Variants in MFHAS1 observed in about 807,000 individuals in gnomAD.
The protein encoded by MFHAS1 is multifunctional ROCO family signaling regulator 1.
In MFHAS1, 50 loss-of-function variants were observed where a neutral mutation model predicts 70.4. The observed-to-expected ratio is 0.71, with a 90% CI of 0.57 to 0.90. The LOEUF is 0.90. MFHAS1 is among the 40% of genes least tolerant of loss of function. The pLI is 0.00. For missense variants in MFHAS1, 1,795 were observed against 1,347.6 expected (o/e 1.33, Z -5.20); for synonymous variants, 952 against 620.0 (o/e 1.54, Z -7.96).
intron 1 of MFHAS1, among the ~76,000 whole-genome samples, chr8:8,815,036 G>A (rs944242989): frequency 6.6e-6 from 1 of 151,878 alleles, no homozygotes; most frequent in Non-Finnish European, 1.5e-5. Context: ...CCCCACACAG[G>A]CCCCAGTGTG....
In MFHAS1 at chr8:8,890,384, A is replaced by G. The variant is rs429433; in HGVS notation, c.2675T>C (p.Leu892Pro). 0.96 allele frequency: 1,546,685 copies of G among 1,614,130 alleles called. 741,232 individuals are homozygous for G. The highest frequency in any genetic ancestry group is 1 in the East Asian group (44,876 of 44,878). ...IEYSFPFTFP[L>P]GLFARYSVQI... ...GACACTGTAGCGTGCAAACAACCCA[A>G]GTGGAAAAGTAAAAGGAAAGCTATA... Residue 892 changes from leucine to proline, a missense_variant, in exon 1 of 3, where the codon CTT (leucine) becomes CCT (proline). By Grantham distance (98) the Leu-to-Pro change is moderately conservative. Coordinates refer to ENST00000276282, the MANE Select transcript of MFHAS1 (RefSeq NM_004225.3).
intron 1 of MFHAS1, among the ~76,000 whole-genome samples, chr8:8,854,361 A>T (rs906896298): frequency 2.6e-5 from 4 of 152,204 alleles, no homozygotes; most frequent in Non-Finnish European, 5.9e-5. Flanking sequence ...CTCTACTAAA[A>T]ATACAAAAAA....
intron 1 of MFHAS1, among the ~76,000 whole-genome samples, chr8:8,879,006 T>C (rs1415509788): frequency 1.3e-5 from 2 of 152,160 alleles, no homozygotes; most frequent in African/African-American, 2.4e-5. Context: ...AAATGACTGA[T>C]GATTTGAATC....
chr8:8,845,987 T>C (rs1415796772), intron 1 of MFHAS1, among the ~76,000 whole-genome samples: 1 of 152,090 alleles, frequency 6.6e-6, no homozygotes, highest in Non-Finnish European at 1.5e-5. Context: ...GCACAGTGGC[T>C]AACACCTGTA....
Position 8,891,636 on chromosome 8 carries a change from C to G in MFHAS1, c.1423G>C (p.Val475Leu). 6.2e-7 allele frequency: 1 copy of G among 1,613,630 alleles called. No individual in the cohort carries two copies. The highest frequency in any genetic ancestry group is 8.5e-7 in the Non-Finnish European group (1 of 1,180,032). Residue 475 changes from valine to leucine, a missense_variant, in exon 1 of 3, where the codon GTG becomes CTG. By Grantham distance (32) the Val-to-Leu change is conservative (BLOSUM62 1). Coordinates refer to ENST00000276282, the MANE Select transcript of MFHAS1 (RefSeq NM_004225.3). The surrounding 1 kb of genome is among the most constrained non-coding windows in gnomAD (Gnocchi z 5.4). ...CTTTCATCCCCAGCTAAGTCATACA[C>G]GATGAACCGCAGGCCCCGGGAGGCA... ...ADASRGLRFI[V>L]YDLAGDESYE...
At chr8:8,853,466 T>TAAAA (rs58475480) in intron 1 of MFHAS1, among the ~76,000 whole-genome samples, 5 of 120,182 alleles carry the variant, frequency 4.2e-5, no homozygotes, top group Non-Finnish European at 6.8e-5. Context: ...TGCTCATTCT[T>TAAAA]AAAAAAAAAA....
chr8:8,853,766 A>G (rs935645366), intron 1 of MFHAS1, among the ~76,000 whole-genome samples: 1 of 152,108 alleles, frequency 6.6e-6, no homozygotes, highest in African/African-American at 2.4e-5. Context: ...GGGTTTCACT[A>G]TGTTGGGCAG....
chr8:8,870,029 C>T (rs1311854550), intron 1 of MFHAS1, among the ~76,000 whole-genome samples: 2 of 152,104 alleles, frequency 1.3e-5, no homozygotes, highest in Non-Finnish European at 2.9e-5. Flanking sequence ...TTTGACATTT[C>T]CCCATTTGAC....
At chr8:8,829,285 G>A (rs1807279721) in intron 1 of MFHAS1, among the ~76,000 whole-genome samples, 1 of 152,176 alleles carries the variant, frequency 6.6e-6, no homozygotes, top group African/African-American at 2.4e-5. Flanking sequence ...GTCCTCTCCA[G>A]CACCCTTCTC....
intron 1 of MFHAS1, among the ~76,000 whole-genome samples, chr8:8,886,404 G>A (rs1383115086): frequency 6.6e-6 from 1 of 151,956 alleles, no homozygotes; most frequent in East Asian, 1.9e-4. Flanking sequence ...CTTGACCCAA[G>A]TGATCCTCCT....
chr8:8,836,194 G>A (rs17154822), intron 1 of MFHAS1, among the ~76,000 whole-genome samples: 3,088 of 152,296 alleles, frequency 0.02, 100 homozygotes, highest in African/African-American at 0.07. Context: ...GGCTGTGTAT[G>A]TGAGAAAAGC....
chr8:8,842,685 C>G (rs1412359366), intron 1 of MFHAS1, among the ~76,000 whole-genome samples: 3 of 152,178 alleles, frequency 2.0e-5, no homozygotes, highest in Admixed American at 1.3e-4. Flanking sequence ...GCCCCAATCT[C>G]TGGACTCAGC....
intron 1 of MFHAS1, among the ~76,000 whole-genome samples, chr8:8,885,949 A>G (rs1221920998): frequency 6.6e-6 from 1 of 152,152 alleles, no homozygotes; most frequent in South Asian, 2.1e-4. Flanking sequence ...GGATGGAGAA[A>G]GCAGGTCAAG....
intron 1 of MFHAS1, among the ~76,000 whole-genome samples, chr8:8,853,403 TA>T (rs1721391176): frequency 1.4e-5 from 2 of 140,712 alleles, no homozygotes; most frequent in African/African-American, 5.3e-5. Flanking sequence ...TACAGTTCCA[TA>T]AACCCAGACA....
At chr8:8,788,606 G>A (rs1011585403) in intron 2 of MFHAS1, among the ~76,000 whole-genome samples, 4 of 152,238 alleles carry the variant, frequency 2.6e-5, no homozygotes, top group Non-Finnish European at 5.9e-5. Context: ...TTGAACCCAG[G>A]AGGCGGAGGG....
chr8:8,784,896 C>G lies in MFHAS1; in HGVS notation c.*1126G>C, dbSNP rs375575528. 1 of 152,154 alleles carries G rather than the reference C, an allele frequency of 6.6e-6. No individual in the cohort carries two copies. The highest frequency in any genetic ancestry group is 1.9e-4 in the East Asian group (1 of 5,200). The allele number at this position is 152,154 out of a possible 1,614,324, so 9.4% of individuals were successfully genotyped here. On this transcript the variant is annotated 3_prime_UTR_variant, in exon 3 of 3. Coordinates refer to ENST00000276282, the MANE Select transcript of MFHAS1 (RefSeq NM_004225.3). ...TTTTAAAACAAGGGTATTACTAGTT[C>G]TTGGCAGGAGACCGTCCAATCAGAG... is the stretch of plus-strand genomic sequence containing the variant.
intron 1 of MFHAS1, among the ~76,000 whole-genome samples, chr8:8,855,528 C>T (rs4523255): frequency 0.36 from 54,450 of 152,126 alleles, 10,786 homozygotes; most frequent in East Asian, 0.63. Context: ...TCTATATATC[C>T]CACAGATTCT....
chr8:8,883,815 T>C (rs1231063124), intron 1 of MFHAS1, among the ~76,000 whole-genome samples: 1 of 151,460 alleles, frequency 6.6e-6, no homozygotes, highest in Non-Finnish European at 1.5e-5. Flanking sequence ...TCCCCACTCA[T>C]TCCCCTCCTA....
chr8:8,808,775 T>C (rs77357918), intron 1 of MFHAS1, among the ~76,000 whole-genome samples: 3,121 of 152,244 alleles, frequency 0.021, 109 homozygotes, highest in African/African-American at 0.071. Flanking sequence ...TTGATGGCAA[T>C]TGGGTTTGGT....
Sources: allele counts gnomAD v4.1 joint callset (sites outside exome capture counted in the v4.1 genomes callset), GRCh38; gene constraint gnomAD v4.1.1; non-coding constraint Gnocchi (gnomAD v3.1); transcripts MANE v1.5; gene names NCBI Gene and HGNC (gene_info 2026-07-23, HGNC 2026-07-21).